USP33: variants seen among roughly 807,000 people sequenced by gnomAD.
The protein encoded by USP33 is ubiquitin specific peptidase 33.
A neutral mutation model predicts 124.2 loss-of-function variants in USP33; 46 were observed. The ratio of observed to expected loss-of-function variants is 0.37; its 90% CI spans 0.29 to 0.47. USP33 has a LOEUF of 0.47. Among genes scored for constraint, USP33 ranks in the 20% least tolerant of loss-of-function variants. The pLI is 0.99. For synonymous variants in USP33, 350 were observed against 352.3 expected, an observed-to-expected ratio of 0.99 and a Z score of 0.07; for missense variants, 851 against 1,070.6, an observed-to-expected ratio of 0.79 and a Z score of 2.86.
At chr1:77,708,363 G>A (rs563040709) in intron 21 of USP33, among the ~76,000 whole-genome samples, 2 of 152,304 alleles carry the variant, frequency 1.3e-5, no homozygotes, top group African/African-American at 4.8e-5. Flanking sequence ...TCCACAGATA[G>A]CATAAGTAGG....
chr1:77,706,155 C>A (rs1674602787), intron 21 of USP33, among the ~76,000 whole-genome samples: 2 of 152,124 alleles, frequency 1.3e-5, no homozygotes, highest in Admixed American at 1.3e-4. Flanking sequence ...ATTTTCATTT[C>A]TCTGGAATGA....
At chr1:77,710,471 C>T (rs899788817) in intron 21 of USP33, among the ~76,000 whole-genome samples, 1 of 152,176 alleles carries the variant, frequency 6.6e-6, no homozygotes, top group Non-Finnish European at 1.5e-5. Context: ...ATTATTTAAG[C>T]ATTGATGGAA....
At chr1:77,713,348 T>A (rs1675486722) in intron 19 of USP33, 67 bp from the exon 20 acceptor site, 1 of 429,214 alleles carries the variant, frequency 2.3e-6, no homozygotes, top group Non-Finnish European at 3.9e-6. Context: ...ATTAAACTCA[T>A]TTTTTTTTTA....
chr1:77,715,324 A>G (rs1473300271), intron 18 of USP33, among the ~76,000 whole-genome samples: 1 of 152,062 alleles, frequency 6.6e-6, no homozygotes, highest in Admixed American at 6.6e-5. Flanking sequence ...CTCCTGCCTC[A>G]GCCTCCCCAG....
At chr1:77,717,503 A>AT (rs1676057904) in intron 17 of USP33, 1 of 152,768 alleles carries the variant, frequency 6.5e-6, no homozygotes. Context: ...AAAAAAAAAA[A>AT]AAATCATGTT....
At chr1:77,759,429 G>A in intron 1 of USP33, 2 of 395,312 alleles carry the variant, frequency 5.1e-6, no homozygotes. Context: ...ACCGACCGTT[G>A]ACAGGGCGAC....
chr1:77,698,237 CTTT>C (rs76688044), intron 22 of USP33, among the ~76,000 whole-genome samples: 7 of 121,008 alleles, frequency 5.8e-5, no homozygotes, highest in Admixed American at 1.7e-4. Context: ...CTAATTTTTG[CTTT>C]TTTTTTTTTT....
rs777376287 is a variant in USP33 at position 77,721,864 on chromosome 1, G to A, written c.1624C>T (p.Leu542Phe). Residue 542 changes from leucine (L) to phenylalanine (F), a missense_variant, in exon 14 of 24, where the codon CTT becomes TTT. Coordinates refer to ENST00000370794, the MANE Select transcript of USP33 (RefSeq NM_201624.3). ...TCATCTCTGGCAAAGAAGGCAGCAAGACAATCTTGCAAGGTTACTACTGGA... is the reference window on the plus strand; with the variant it reads ...TCATCTCTGGCAAAGAAGGCAGCAAAACAATCTTGCAAGGTTACTACTGGA... ...WGPVVTLQDC[L>F]AAFFARDELK... The A allele has an allele frequency of 2.5e-6, 4 of 1,610,002 alleles. No individual in the cohort carries two copies. The highest frequency in any genetic ancestry group is 3.4e-5 in the Admixed American group (2 of 58,730).
intron 11 of USP33, 55 bp from the exon 12 acceptor site, chr1:77,723,498 C>T (rs1676809460): frequency 3.3e-6 from 4 of 1,209,742 alleles, no homozygotes; most frequent in Non-Finnish European, 4.7e-6. Context: ...ACATTTTTCT[C>T]TGGAATCTTT....
rs532539021 is a variant in USP33, at chr1:77,717,911, G to A, written c.1874C>T (p.Thr625Ile). The change falls in exon 17 of 24, where the codon ACA (threonine) becomes ATA (isoleucine). Residue 625 changes from threonine to isoleucine, a missense_variant. By Grantham distance (89) the Thr-to-Ile change is moderately conservative. Transcript: ENST00000370794. The part of the protein sequence containing the change: ...LAKDSPAQIV[T>I]YDLLSVICHH... ...GCAAATGACTGACAGAAGATCATAT[G>A]TCACAATTTGAGCTGGACTATCCTT... The A allele has an allele frequency of 6.2e-7, 1 of 1,613,112 alleles. No homozygotes were observed. The highest frequency in any genetic ancestry group is 8.5e-7 in the Non-Finnish European group (1 of 1,179,630).
chr1:77,740,677 T>C (rs918800433), intron 4 of USP33, among the ~76,000 whole-genome samples, 200 bp downstream of exon 4: 3 of 152,316 alleles, frequency 2.0e-5, no homozygotes, highest in Middle Eastern at 3.4e-3. Flanking sequence ...TTGAAATCAG[T>C]GCTTTCTTAA....
chr1:77,755,583 A>G (rs376788949), intron 1 of USP33, among the ~76,000 whole-genome samples: 1 of 152,132 alleles, frequency 6.6e-6, no homozygotes, highest in South Asian at 2.1e-4. Context: ...CTGTAATCTC[A>G]GCTACTCCAG....
intron 21 of USP33, among the ~76,000 whole-genome samples, chr1:77,709,878 C>A (rs1675043764): frequency 8.2e-6 from 1 of 121,510 alleles, no homozygotes; most frequent in African/African-American, 3.7e-5. Flanking sequence ...TACATGCATA[C>A]ACATACACAC....
At chr1:77,701,577 C>T (rs574745364) in intron 21 of USP33, 106 bp from the exon 22 acceptor site, 2 of 906,024 alleles carry the variant, frequency 2.2e-6, no homozygotes, top group Admixed American at 2.4e-5. Flanking sequence ...CTTTGGGAGG[C>T]TGAGGCAGGA....
chr1:77,732,789 CTTTTTTTTTT>C lies in USP33; in HGVS notation c.524+1548_524+1557del, dbSNP rs939934675. ...TCAAGTTTCAGAGTAAATGTCTCTT[CTTTTTTTTTT>C]TTTTTTTTTTTTTTGACGGAGTCTC... On this transcript the variant is annotated intron_variant, in intron 7 of 23. Coordinates refer to ENST00000370794, the MANE Select transcript of USP33 (RefSeq NM_201624.3). 2.9e-5 allele frequency among the ~76,000 whole-genome samples: 3 copies of C among 104,894 alleles called. No homozygotes were observed. In the East Asian group the frequency reaches 7.9e-4, roughly 28 times the overall value. The allele number at this position is 104,894 out of a possible 152,430, so 68.8% of individuals were successfully genotyped here. A position where few individuals can be genotyped will look rare whatever the true frequency, so the allele number is the denominator to read the frequency against.
intron 5 of USP33, among the ~76,000 whole-genome samples, chr1:77,737,679 G>A (rs543918425): frequency 2.0e-5 from 3 of 152,238 alleles, no homozygotes; most frequent in Admixed American, 6.5e-5. Context: ...ATATTTACAA[G>A]TCATCAGAAA....
intron 6 of USP33, among the ~76,000 whole-genome samples, chr1:77,735,481 A>T (rs1206013957): frequency 4.6e-5 from 7 of 152,210 alleles, no homozygotes; most frequent in Non-Finnish European, 1.0e-4. Context: ...TACATAAAAT[A>T]TTTATAACTT....
Position 77,750,667 on chromosome 1 carries a change from A to AGAAAGAAAGAAAGAAAG in USP33, c.-51-8936_-51-8920dup, listed in dbSNP as rs1553201909. On this transcript the variant is annotated intron_variant, in intron 1 of 23. Coordinates refer to ENST00000370794, the MANE Select transcript of USP33 (RefSeq NM_201624.3). Reference sequence around the variant, plus strand: ...AAGAAAGAAAGAAAGAAAGAAAGAAAGAAAGAAAGAAAGAAAGAAAAAGGA... The same window carrying AGAAAGAAAGAAAGAAAG: ...AAGAAAGAAAGAAAGAAAGAAAGAAAGAAAGAAAGAAAGAAAGGAAAGAAAGAAAGAAAGAAAAAGGA... Among the ~76,000 whole-genome samples, 141 of 150,870 alleles carry AGAAAGAAAGAAAGAAAG rather than the reference A, an allele frequency of 9.3e-4. 2 individuals are homozygous for AGAAAGAAAGAAAGAAAG. The highest frequency in any genetic ancestry group is 3.4e-3 in the African/African-American group (137 of 40,504).
At chr1:77,758,090 T>C (rs915245567) in intron 1 of USP33, among the ~76,000 whole-genome samples, 4 of 151,154 alleles carry the variant, frequency 2.6e-5, no homozygotes, top group Non-Finnish European at 5.9e-5. Context: ...AACCAGATCA[T>C]AAATAGGAAG....
Sources: allele counts gnomAD v4.1 joint callset (sites outside exome capture counted in the v4.1 genomes callset), GRCh38; gene constraint gnomAD v4.1.1; transcripts MANE v1.5; gene names NCBI Gene and HGNC (gene_info 2026-07-23, HGNC 2026-07-21).